Variants in CLCN5 observed in about 807,000 individuals in gnomAD.
The protein encoded by CLCN5 is H(+)/Cl(-) exchange transporter 5.
CLCN5 carries 17 observed loss-of-function variants against 54.0 expected under a neutral mutation model. The observed-to-expected ratio is 0.31, with a 90% CI of 0.22 to 0.47. CLCN5 has a LOEUF of 0.47. Among genes scored for constraint, CLCN5 ranks in the 20% least tolerant of loss-of-function variants. The pLI, the probability that CLCN5 is intolerant of heterozygous loss-of-function variation, is 1.00. For missense variants in CLCN5, 448 were observed against 646.7 expected (o/e 0.69, Z 3.33); for synonymous variants, 222 against 233.0 (o/e 0.95, Z 0.43).
rs35768604 is a variant in CLCN5 at position 50,077,812 on chromosome X, C to CAAAAAAAA, written c.603+1860_603+1867dup. The stretch of plus-strand genomic sequence containing the variant: ...CCAACATGGTGAAACCCTGTCTCTA[C>CAAAAAAAA]AAAAAAAAAAAAAAAAAAAAAAAAA... On this transcript the variant is annotated intron_variant, in intron 7 of 14. Transcript: ENST00000376091. Among the ~76,000 whole-genome samples the CAAAAAAAA allele has an allele frequency of 1.8e-4, 4 of 22,339 alleles. 1 individual carries two copies. The highest frequency in any genetic ancestry group is 4.9e-4 in the African/African-American group (2 of 4,061). 19.4% of individuals were successfully genotyped at this position (22,339 alleles called of 115,157 possible).
intron 3 of CLCN5, among the ~76,000 whole-genome samples, chrX:50,002,808 A>G (rs1408835667): frequency 9.1e-6 from 1 of 109,692 alleles, no homozygotes; most frequent in Non-Finnish European, 1.9e-5. Flanking sequence ...CCAGATTCTA[A>G]GCTTTCTTAC....
chrX:49,934,676 C>T (rs782799493), intron 3 of CLCN5, among the ~76,000 whole-genome samples: 1 of 111,668 alleles, frequency 9.0e-6, no homozygotes, highest in African/African-American at 3.3e-5. Flanking sequence ...AAACATAGAG[C>T]AATTAGAAAT....
chrX:50,001,111 C>T (rs188965353), intron 3 of CLCN5, among the ~76,000 whole-genome samples: 33 of 110,733 alleles, frequency 3.0e-4, no homozygotes, highest in African/African-American at 1.1e-3. Flanking sequence ...GTGTCAGCTC[C>T]TCCCCATTAT....
At chrX:49,951,705 G>T (rs1569537100) in intron 3 of CLCN5, among the ~76,000 whole-genome samples, 1 of 111,973 alleles carries the variant, frequency 8.9e-6, no homozygotes, top group African/African-American at 3.2e-5. Context: ...GAGAAAGATG[G>T]ATAGGATTTC....
At chrX:49,988,832 G>C (rs938339249) in intron 3 of CLCN5, among the ~76,000 whole-genome samples, 10 of 110,683 alleles carry the variant, frequency 9.0e-5, no homozygotes, top group Middle Eastern at 4.2e-3. Flanking sequence ...GAGTGTGGGG[G>C]CTGGCACCTG....
intron 3 of CLCN5, among the ~76,000 whole-genome samples, chrX:50,015,157 G>A (rs1248340251): frequency 9.0e-6 from 1 of 111,173 alleles, no homozygotes. Context: ...AGTGACAAAC[G>A]AGAGTCAAAA....
chrX:50,086,143 T>G, intron 10 of CLCN5, 83 bp downstream of exon 10: 18 of 905,204 alleles, frequency 2.0e-5, no homozygotes, highest in Non-Finnish European at 2.7e-5. Context: ...TTGTACATAA[T>G]GTACAATATC....
intron 4 of CLCN5, among the ~76,000 whole-genome samples, chrX:50,047,364 G>A (rs910105868): frequency 6.3e-5 from 7 of 110,682 alleles, no homozygotes; most frequent in Non-Finnish European, 1.1e-4. Context: ...AAACATTACT[G>A]TTGCCTTTTG....
At chrX:49,992,507 A>G (rs1929315932) in intron 3 of CLCN5, among the ~76,000 whole-genome samples, 1 of 111,559 alleles carries the variant, frequency 9.0e-6, no homozygotes, top group Non-Finnish European at 1.9e-5. Context: ...TCTCCAAACC[A>G]AAGTTTAGGA....
chrX:50,082,904 G>T (rs1465851914), intron 9 of CLCN5, among the ~76,000 whole-genome samples: 1 of 110,821 alleles, frequency 9.0e-6, no homozygotes, highest in African/African-American at 3.3e-5. Flanking sequence ...TCTACCTTTT[G>T]TTTCAGCCCA....
chrX:50,069,678 C>T, intron 4 of CLCN5: 2 of 1,010,204 alleles, frequency 2.0e-6, no homozygotes, highest in South Asian at 3.2e-5. Flanking sequence ...TTCACACTGC[C>T]TTTAGCCACT....
At chrX:50,069,024 A>C (rs1933135136) in intron 4 of CLCN5, among the ~76,000 whole-genome samples, 1 of 112,125 alleles carries the variant, frequency 8.9e-6, no homozygotes, top group South Asian at 3.7e-4. Flanking sequence ...TCATCAAACA[A>C]ATTTTGGTTC....
chrX:50,010,037 A>G (rs1930415178), intron 3 of CLCN5, among the ~76,000 whole-genome samples: 1 of 111,246 alleles, frequency 9.0e-6, no homozygotes, highest in Non-Finnish European at 1.9e-5. Context: ...CCCTGCATAT[A>G]CTGAGGGTGA....
intron 3 of CLCN5, among the ~76,000 whole-genome samples, chrX:50,031,398 C>G (rs983655935): frequency 1.8e-5 from 2 of 112,129 alleles, no homozygotes; most frequent in Admixed American, 9.4e-5. Context: ...TGCCCAAGTA[C>G]AATTTGTCCA....
intron 3 of CLCN5, among the ~76,000 whole-genome samples, chrX:49,962,402 CACTTGGCTCTTCCCATGTATT>C (rs1557174828): frequency 9.0e-6 from 1 of 111,657 alleles, no homozygotes; most frequent in Non-Finnish European, 1.9e-5. Flanking sequence ...CTTCAAGACC[CACTTGGCTCTTCCCATGTATT>C]ACTGGAGATT....
At chrX:50,025,967 G>T (rs992629749) in intron 3 of CLCN5, among the ~76,000 whole-genome samples, 26 of 111,581 alleles carry the variant, frequency 2.3e-4, no homozygotes, top group African/African-American at 7.5e-4. Context: ...TAAGGTGGAG[G>T]CTTAGATTAT....
At chrX:49,936,836 C>A (rs1398446844) in intron 3 of CLCN5, among the ~76,000 whole-genome samples, 1 of 112,130 alleles carries the variant, frequency 8.9e-6, no homozygotes, top group Non-Finnish European at 1.9e-5. Flanking sequence ...TAGTTGCCAT[C>A]TTTTTACTAT....
intron 3 of CLCN5, among the ~76,000 whole-genome samples, chrX:49,979,721 A>G (rs1305927195): frequency 9.0e-6 from 1 of 111,546 alleles, no homozygotes; most frequent in Non-Finnish European, 1.9e-5. Context: ...AAATCAAGCT[A>G]ACTAACATAT....
rs1296360087 is a variant in CLCN5 at position 50,099,222 on chromosome X, C to T, written c.*7003C>T. The T allele has an allele frequency of 8.9e-6, 1 of 111,822 alleles. No individual in the cohort carries two copies. The highest frequency in any genetic ancestry group is 3.3e-5 in the African/African-American group (1 of 30,628). The allele number at this position is 111,822 out of a possible 1,213,427, so 9.2% of individuals were successfully genotyped here. On this transcript the variant is annotated 3_prime_UTR_variant, in exon 15 of 15. Transcript: ENST00000376091. ...TAATTATGCATGTAATAAAGCACAGCCTTATCCACCCTGGTGTCTGGTGTG... is the reference window on the plus strand; with the variant it reads ...TAATTATGCATGTAATAAAGCACAGTCTTATCCACCCTGGTGTCTGGTGTG...
Sources: allele counts gnomAD v4.1 joint callset (sites outside exome capture counted in the v4.1 genomes callset), GRCh38; gene constraint gnomAD v4.1.1; transcripts MANE v1.5; gene names NCBI Gene and HGNC (gene_info 2026-07-23, HGNC 2026-07-21).